LRRC43: variants seen among roughly 807,000 people sequenced by gnomAD.
The protein encoded by LRRC43 is leucine rich repeat containing 43, also known as leucine-rich repeat-containing protein 43.
In LRRC43, 62 loss-of-function variants were observed where a neutral mutation model predicts 64.3. That is an observed-to-expected ratio of 0.96 (90% CI 0.79 to 1.19). The LOEUF (loss-of-function observed/expected upper bound fraction) is 1.19, where lower values mean the gene tolerates loss of function less well. LRRC43 is among the 50% of genes most tolerant of loss of function. The pLI is 0.00. For synonymous variants in LRRC43, 422 were observed against 382.3 expected, an observed-to-expected ratio of 1.10 and a Z score of -1.21; for missense variants, 868 against 845.0, an observed-to-expected ratio of 1.03 and a Z score of -0.34.
In LRRC43 at chr12:122,184,788, T is replaced by C. The variant is rs963544074; in HGVS notation, c.411+9T>C. 3.8e-6 allele frequency: 6 copies of C among 1,588,020 alleles called. No individual in the cohort carries two copies. The highest frequency in any genetic ancestry group is 5.1e-6 in the Non-Finnish European group (6 of 1,167,188). The stretch of plus-strand genomic sequence containing the variant: ...GGGTAATAGACAAGAAGGTCAGTGC[T>C]GGGCACGTGGTAGGTGATGTTAGGG... On this transcript the variant is annotated intron_variant, in intron 2 of 11. Coordinates refer to ENST00000339777, the MANE Select transcript of LRRC43 (RefSeq NM_001098519.2). The surrounding 1 kb of genome is among the most constrained non-coding windows in gnomAD (Gnocchi z 4.0).
At chr12:122,189,901 C>T (rs1191305836) in intron 4 of LRRC43, among the ~76,000 whole-genome samples, 1 of 152,180 alleles carries the variant, frequency 6.6e-6, no homozygotes, top group Non-Finnish European at 1.5e-5. Context: ...TCGGTGGGGG[C>T]GTCTCTGTGA....
intron 7 of LRRC43, among the ~76,000 whole-genome samples, chr12:122,197,615 A>C (rs1953785435): frequency 6.6e-6 from 1 of 152,066 alleles, no homozygotes; most frequent in Admixed American, 6.6e-5. Context: ...ACTGTTTCTC[A>C]CAGGAGGCAT....
At position 122,200,500 on chromosome 12, in the gene LRRC43, C is replaced by T. The variant is rs1017440650; in HGVS notation, c.1492-32C>T. ...GACCCCAGGCAGCCCGCCTGGGCCTCTGCTCACTCGAGGATTCTCTCCTGC... is the reference window on the plus strand; with the variant it reads ...GACCCCAGGCAGCCCGCCTGGGCCTTTGCTCACTCGAGGATTCTCTCCTGC... On this transcript the variant is annotated intron_variant, in intron 8 of 11. Coordinates refer to ENST00000339777, the MANE Select transcript of LRRC43 (RefSeq NM_001098519.2). This position sits in a 1 kb window ranked among gnomAD's most constrained non-coding sequence, Gnocchi z 4.6. 4.3e-6 allele frequency: 7 copies of T among 1,614,060 alleles called. No homozygotes were observed. The highest frequency in any genetic ancestry group is 5.9e-6 in the Non-Finnish European group (7 of 1,180,032).
rs567004407 is a variant in LRRC43, at chr12:122,175,131, C to T, written c.-406+7349C>T. On this transcript the variant is annotated intron_variant, in intron 1 of 5. Coordinates refer to the LRRC43 transcript ENST00000537729. ...CTGGAATTACAGGCATGAGCCACTGCGCCAGCCTAGAAACTTTATTGCTTT... is the reference window on the plus strand; with the variant it reads ...CTGGAATTACAGGCATGAGCCACTGTGCCAGCCTAGAAACTTTATTGCTTT... 2.0e-5 allele frequency among the ~76,000 whole-genome samples: 3 copies of T among 151,638 alleles called. 1 individual carries two copies. Among genetic ancestry groups the T allele is most frequent in the South Asian group, 4.1e-4 (2 of 4,820 alleles).
chr12:122,200,737 T>G lies in LRRC43; in HGVS notation c.1621-9T>G. Reference sequence around the variant, plus strand: ...CTTGTCCCACCCTCCTGTCCTCCCGTCGTCGCAGGAGTGGAAGGTGCTGAA... The same window carrying G: ...CTTGTCCCACCCTCCTGTCCTCCCGGCGTCGCAGGAGTGGAAGGTGCTGAA... On this transcript the variant is annotated splice_polypyrimidine_tract_variant and intron_variant, in intron 9 of 11. Transcript: ENST00000339777. This position sits in a 1 kb window ranked among gnomAD's most constrained non-coding sequence, Gnocchi z 4.6. 1 of 1,612,866 alleles carries G rather than the reference T, an allele frequency of 6.2e-7. No individual in the cohort carries two copies. Among genetic ancestry groups the G allele is most frequent in the Non-Finnish European group, 8.5e-7 (1 of 1,179,846 alleles).
chr12:122,175,506 C>CTT (rs201236097), intron 1 of LRRC43, among the ~76,000 whole-genome samples: 3 of 140,256 alleles, frequency 2.1e-5, no homozygotes, highest in Admixed American at 7.2e-5. Flanking sequence ...CTTTTTCTTT[C>CTT]TTTTTTTTTT....
chr12:122,184,972 G>A lies in LRRC43; in HGVS notation c.411+193G>A, dbSNP rs527365367. 2.0e-5 allele frequency among the ~76,000 whole-genome samples: 3 copies of A among 152,200 alleles called. No homozygotes were observed. The highest frequency in any genetic ancestry group is 1.9e-4 in the East Asian group (1 of 5,166). The stretch of plus-strand genomic sequence containing the variant: ...GGGCCGGCTACTCGGTCAGCCTTGC[G>A]TTTCTTCTTCCTTTACCCCTGGAAG... On this transcript the variant is annotated intron_variant, in intron 2 of 11. Transcript: ENST00000339777. This position sits in a 1 kb window ranked among gnomAD's most constrained non-coding sequence, Gnocchi z 4.0.
chr12:122,197,088 C>T (rs955930473), intron 7 of LRRC43, among the ~76,000 whole-genome samples: 1 of 152,156 alleles, frequency 6.6e-6, no homozygotes, highest in African/African-American at 2.4e-5. Flanking sequence ...CCCCCAGTTC[C>T]TCATTGGTCA....
At chr12:122,176,116 A>G (rs1953535247) in intron 1 of LRRC43, among the ~76,000 whole-genome samples, 1 of 152,206 alleles carries the variant, frequency 6.6e-6, no homozygotes, top group Admixed American at 6.5e-5. Flanking sequence ...TAAGCTAGAA[A>G]GCACTGTGAC....
Position 122,184,744 on chromosome 12 carries a change from T to C in LRRC43, c.376T>C (p.Ser126Pro). 1 of 1,611,456 alleles carries C rather than the reference T, an allele frequency of 6.2e-7. No homozygotes were observed. The highest frequency in any genetic ancestry group is 8.5e-7 in the Non-Finnish European group (1 of 1,178,796). ...GACGATCACAGACACCTTCTTCTACTCCTACTTCCGGTCCCTGCGGGTAAT... is the reference window on the plus strand; with the variant it reads ...GACGATCACAGACACCTTCTTCTACCCCTACTTCCGGTCCCTGCGGGTAAT... The part of the protein sequence containing the change: ...PLTITDTFFY[S>P]YFRSLRVIDK... The change falls in exon 2 of 12, where the codon TCC (serine) becomes CCC (proline). Residue 126 changes from serine to proline, a missense_variant. Transcript: ENST00000339777. The surrounding 1 kb of genome is among the most constrained non-coding windows in gnomAD (Gnocchi z 4.0).
chr12:122,192,901 G>A lies in LRRC43; in HGVS notation c.1246G>A (p.Val416Ile). ...VEESGESELS[V>I]ISGPSTILQM... ...GGAGTCAGGAGAGTCGGAGCTGTCT[G>A]TCATCTCGGGGCCTTCGACCATCTT... Residue 416 changes from valine (V) to isoleucine (I), a missense_variant, in exon 7 of 12, where the codon GTC becomes ATC. By Grantham distance (29) the Val-to-Ile change is conservative. Coordinates refer to ENST00000339777, the MANE Select transcript of LRRC43 (RefSeq NM_001098519.2). 2 of 1,614,202 alleles carry A rather than the reference G, an allele frequency of 1.2e-6. No individual in the cohort carries two copies.
chr12:122,190,955 G>A (rs1007971169), intron 5 of LRRC43, among the ~76,000 whole-genome samples: 13 of 152,182 alleles, frequency 8.5e-5, no homozygotes, highest in South Asian at 2.1e-4. Context: ...GCGACAGAGC[G>A]AGACCCCGTC....
chr12:122,195,348 A>C (rs1953764380), intron 7 of LRRC43, among the ~76,000 whole-genome samples: 1 of 151,694 alleles, frequency 6.6e-6, no homozygotes, highest in Non-Finnish European at 1.5e-5. Flanking sequence ...TCCTGGGTTC[A>C]AGCAATTCTC....
At chr12:122,193,355 CG>C (rs1356802502) in intron 7 of LRRC43, among the ~76,000 whole-genome samples, 2 of 137,222 alleles carry the variant, frequency 1.5e-5, no homozygotes, top group Admixed American at 8.3e-5. Flanking sequence ...CGCTCCAGCC[CG>C]GCGACAGAGC....
intron 1 of LRRC43, among the ~76,000 whole-genome samples, chr12:122,173,003 G>A (rs935795744): frequency 6.6e-6 from 1 of 152,040 alleles, no homozygotes. Flanking sequence ...CCACTCTCAC[G>A]TGCTCAGGGT....
intron 1 of LRRC43, chr12:122,172,725 C>T (rs770240350): frequency 1.2e-5 from 20 of 1,609,714 alleles, no homozygotes; most frequent in Non-Finnish European, 1.6e-5. Flanking sequence ...CACGAGCACG[C>T]CCTTCTCTTC....
chr12:122,192,999 C>T lies in LRRC43; in HGVS notation c.1344C>T (p.Ser448=). The T allele has an allele frequency of 6.2e-7, 1 of 1,613,414 alleles. No individual in the cohort carries two copies. Residue 448 remains serine, a synonymous_variant, in exon 7 of 12, where the codon TCC becomes TCT. Transcript: ENST00000339777. The part of the protein sequence containing the change: ...RLRIDPRLCP[S]PGTVLFSTAH... ...GTATAGATCCCCGGCTCTGCCCGTC[C>T]CCAGGGTAAGGATGGAAATCTGAAC...
In LRRC43 at chr12:122,191,585, C is replaced by G; in HGVS notation, c.1089+18C>G. The G allele has an allele frequency of 6.2e-7, 1 of 1,605,968 alleles. No homozygotes were observed. ...TGGCCGAGGTGTGCCCTGGTCTGTC[C>G]CTAGGAGTATGGGGGGCTCTTGTGA... On this transcript the variant is annotated intron_variant, in intron 6 of 11. Coordinates refer to ENST00000339777, the MANE Select transcript of LRRC43 (RefSeq NM_001098519.2).
In LRRC43 at chr12:122,200,209, C is replaced by T; in HGVS notation, c.1370C>T (p.Ala457Val). 3.1e-6 allele frequency: 5 copies of T among 1,614,006 alleles called. No homozygotes were observed. The highest frequency in any genetic ancestry group is 4.2e-6 in the Non-Finnish European group (5 of 1,179,934). ...CCAAGGACTGTCCTCTTCAGCACTG[C>T]CCACAAGCCCTGGGCTGAGGTCATC... ...PSPGTVLFST[A>V]HKPWAEVIPC... The change falls in exon 8 of 12, where the codon GCC becomes GTC. Residue 457 changes from alanine (A) to valine (V), a missense_variant. Ala to Val is a moderately conservative substitution (Grantham distance 64). Coordinates refer to ENST00000339777, the MANE Select transcript of LRRC43 (RefSeq NM_001098519.2). This position sits in a 1 kb window ranked among gnomAD's most constrained non-coding sequence, Gnocchi z 4.6.
Sources: allele counts gnomAD v4.1 joint callset (sites outside exome capture counted in the v4.1 genomes callset), GRCh38; gene constraint gnomAD v4.1.1; non-coding constraint Gnocchi (gnomAD v3.1); transcripts MANE v1.5; gene names NCBI Gene and HGNC (gene_info 2026-07-23, HGNC 2026-07-21).